UTY: variants seen among roughly 807,000 people sequenced by gnomAD.
UTY encodes the protein histone demethylase UTY.
In UTY, 12 loss-of-function variants were observed where a neutral mutation model predicts 32.5. That is an observed-to-expected ratio of 0.37 (90% CI 0.24 to 0.60). UTY has a LOEUF of 0.60. Ranked by LOEUF, UTY falls within the 20% of genes least tolerant of loss-of-function variation. The probability of loss-of-function intolerance (pLI) is 0.69; values close to 1 mark genes in which losing one functional copy is unlikely to be tolerated. For missense variants in UTY, 303 were observed against 299.2 expected (o/e 1.01, Z -0.09); for synonymous variants, 131 against 103.4 (o/e 1.27, Z -1.62).
intron 28 of UTY, 61 bp downstream of exon 28, chrY:13,260,217 C>A: frequency 2.8e-6 from 1 of 360,454 alleles, no homozygotes; most frequent in Non-Finnish European, 3.9e-6. Context: ...AATAAAGCAA[C>A]AACAATTCAA....
rs2064217723 is a variant in UTY at position 13,366,827 on chromosome Y, AAT to A, written c.740-436_740-435del. On this transcript the variant is annotated intron_variant, in intron 9 of 29. Coordinates refer to ENST00000545955, the MANE Select transcript of UTY (RefSeq NM_001258249.2). ...AAAAAATGCTTATGTAATCAAAGAT[AAT>A]TCATTTACATTCCTTCTGCTGCTGT... is the stretch of plus-strand genomic sequence containing the variant. 3.2e-4 allele frequency among the ~76,000 whole-genome samples: 11 copies of A among 34,812 alleles called. No homozygotes were observed. In the South Asian group the frequency reaches 6.7e-3, roughly 21 times the overall value. 93.4% of individuals were successfully genotyped at this position (34,812 alleles called of 37,273 possible).
intron 24 of UTY, 28 bp from the exon 25 acceptor site, chrY:13,303,019 C>G: frequency 3.8e-6 from 1 of 263,532 alleles, no homozygotes; most frequent in East Asian, 9.9e-5. Flanking sequence ...ATGTAAGTCA[C>G]AATTGTAGCA....
chrY:13,326,751 CATAGT>C (rs2060291554), intron 18 of UTY, among the ~76,000 whole-genome samples: 13 of 34,033 alleles, frequency 3.8e-4, no homozygotes, highest in African/African-American at 1.5e-3. Flanking sequence ...TCCTTAATAT[CATAGT>C]ATATCTCCTT....
chrY:13,381,132 G>A, intron 8 of UTY, among the ~76,000 whole-genome samples: 2 of 34,055 alleles, frequency 5.9e-5, no homozygotes, highest in South Asian at 1.3e-3. Context: ...TACAGGGAGA[G>A]GGAGGTAAAA....
chrY:13,451,631 G>C, intron 3 of UTY, among the ~76,000 whole-genome samples: 1 of 33,127 alleles, frequency 3.0e-5, no homozygotes, highest in African/African-American at 1.2e-4. Flanking sequence ...CTTAGAACGG[G>C]ATCTGTGTAC....
At chrY:13,294,563 C>T (rs527317944) in intron 27 of UTY, among the ~76,000 whole-genome samples, 1 of 34,157 alleles carries the variant, frequency 2.9e-5, no homozygotes, top group African/African-American at 1.1e-4. Context: ...GAAAGGCAAA[C>T]ACTTCATTAT....
At chrY:13,383,645 G>C in intron 8 of UTY, among the ~76,000 whole-genome samples, 1 of 30,616 alleles carries the variant, frequency 3.3e-5, no homozygotes, top group Non-Finnish European at 7.8e-5. Context: ...ATGTGAAGGA[G>C]CAAATTAGAT....
At position 13,261,390 on chromosome Y, in the gene UTY, TTTA is replaced by T. The variant is rs199764594; in HGVS notation, c.4011-989_4011-987del. On this transcript the variant is annotated intron_variant, in intron 27 of 29. Coordinates refer to ENST00000545955, the MANE Select transcript of UTY (RefSeq NM_001258249.2). ...TATGTAAAATTATTTTCCACATCTGTTTATTATCTTTCTTTCCCATGAGTGTAA... is the reference window on the plus strand; with the variant it reads ...TATGTAAAATTATTTTCCACATCTGTTTATCTTTCTTTCCCATGAGTGTAA... 7.8e-4 allele frequency among the ~76,000 whole-genome samples: 26 copies of T among 33,372 alleles called. No individual in the cohort carries two copies. In the East Asian group the frequency reaches 0.018, roughly 24 times the overall value. The allele number at this position is 33,372 out of a possible 37,273, so 89.5% of individuals were successfully genotyped here. A position where few individuals can be genotyped will look rare whatever the true frequency, so the allele number is the denominator to read the frequency against.
chrY:13,408,841 T>G, intron 6 of UTY, among the ~76,000 whole-genome samples: 1 of 32,282 alleles, frequency 3.1e-5, no homozygotes, highest in Non-Finnish European at 7.7e-5. Flanking sequence ...CAAAACTTTT[T>G]AATGCTATAC....
chrY:13,313,331 A>C (rs2059304472), intron 21 of UTY, among the ~76,000 whole-genome samples: 1 of 33,592 alleles, frequency 3.0e-5, no homozygotes, highest in South Asian at 6.7e-4. Context: ...CAAGATAACA[A>C]ATTCTTAACA....
chrY:13,367,591 TA>T, intron 9 of UTY, among the ~76,000 whole-genome samples: 1 of 33,381 alleles, frequency 3.0e-5, no homozygotes, highest in Middle Eastern at 0.014. Flanking sequence ...AAATTGTGGA[TA>T]AAACAGTGAC....
intron 3 of UTY, among the ~76,000 whole-genome samples, chrY:13,466,023 T>C (rs771094408): frequency 3.9e-4 from 13 of 33,757 alleles, no homozygotes; most frequent in African/African-American, 1.4e-3. Flanking sequence ...CTGACTACCA[T>C]ACTCCATGAA....
intron 27 of UTY, among the ~76,000 whole-genome samples, chrY:13,286,335 TG>T (rs2057361331): frequency 3.0e-5 from 1 of 33,715 alleles, no homozygotes; most frequent in Admixed American, 2.7e-4. Context: ...TTATTATAAG[TG>T]TACCAGGACT....
At chrY:13,306,883 G>A (rs2058728122) in intron 21 of UTY, among the ~76,000 whole-genome samples, 1 of 32,658 alleles carries the variant, frequency 3.1e-5, no homozygotes, top group African/African-American at 1.2e-4. Flanking sequence ...GCGTTGTTTT[G>A]TTTTTCCCTG....
rs1013519405 is a variant in UTY at position 13,294,391 on chromosome Y, G to T, written c.4010+3316C>A. ...TTCAATAAACTGTAATGGAAAAACT[G>T]CATTGTTTGATACAGAATTATAAAA... On this transcript the variant is annotated intron_variant, in intron 27 of 29. Transcript: ENST00000545955. Among the ~76,000 whole-genome samples the T allele has an allele frequency of 2.1e-4, 7 of 33,774 alleles. No homozygotes were observed. In the East Asian group the frequency reaches 5.4e-3, roughly 26 times the overall value. The allele number at this position is 33,774 out of a possible 37,273, so 90.6% of individuals were successfully genotyped here.
chrY:13,474,284 C>T (rs2078827750), intron 2 of UTY, among the ~76,000 whole-genome samples: 1 of 32,202 alleles, frequency 3.1e-5, no homozygotes, highest in Non-Finnish European at 7.5e-5. Flanking sequence ...CTTTATGAAG[C>T]TTTATGTTAC....
intron 27 of UTY, among the ~76,000 whole-genome samples, chrY:13,289,874 A>C (rs766635389): frequency 3.1e-5 from 1 of 32,564 alleles, no homozygotes; most frequent in African/African-American, 1.2e-4. Flanking sequence ...TAAAGAAAAT[A>C]TTGACAGATA....
chrY:13,297,308 T>C, intron 27 of UTY: 1 of 50,490 alleles, frequency 2.0e-5, no homozygotes, highest in South Asian at 2.0e-4. Flanking sequence ...CTTAAATGTA[T>C]ACAATTTGCA....
chrY:13,350,795 C>T, intron 17 of UTY, among the ~76,000 whole-genome samples: 1 of 33,232 alleles, frequency 3.0e-5, no homozygotes, highest in Non-Finnish European at 7.4e-5. Flanking sequence ...TATGGAAAAG[C>T]ACTGTGAAAA....
Sources: allele counts gnomAD v4.1 joint callset (sites outside exome capture counted in the v4.1 genomes callset), GRCh38; gene constraint gnomAD v4.1.1; transcripts MANE v1.5; gene names NCBI Gene and HGNC (gene_info 2026-07-23, HGNC 2026-07-21).